The following RPS6KA5 variants were observed in gnomAD, a reference collection of about 807,000 sequenced individuals.
The protein encoded by RPS6KA5 is ribosomal protein S6 kinase alpha-5.
RPS6KA5 carries 27 observed loss-of-function variants against 85.5 expected under a neutral mutation model. The ratio of observed to expected loss-of-function variants is 0.32; its 90% confidence interval spans 0.23 to 0.44. The LOEUF (loss-of-function observed/expected upper bound fraction) is 0.44. Among genes scored for constraint, RPS6KA5 ranks in the 20% least tolerant of loss-of-function variants. The pLI, the probability that RPS6KA5 is intolerant of heterozygous loss-of-function variation, is 1.00. For missense variants in RPS6KA5, 811 were observed against 980.9 expected (o/e 0.83, Z 2.31); for synonymous variants, 334 against 348.2 (o/e 0.96, Z 0.46).
chr14:90,954,674 C>T (rs1447584664), intron 3 of RPS6KA5, among the ~76,000 whole-genome samples: 4 of 152,102 alleles, frequency 2.6e-5, no homozygotes, highest in African/African-American at 9.7e-5. Context: ...TCAGCCTCCC[C>T]AAGTGCTGGG....
At chr14:91,029,004 T>C (rs2042085972) in intron 1 of RPS6KA5, among the ~76,000 whole-genome samples, 1 of 152,210 alleles carries the variant, frequency 6.6e-6, no homozygotes, top group Non-Finnish European at 1.5e-5. Context: ...TTTTTATTTA[T>C]AGTAGTTATT....
intron 3 of RPS6KA5, among the ~76,000 whole-genome samples, chr14:90,954,996 C>T (rs1191282459): frequency 6.6e-6 from 1 of 152,124 alleles, no homozygotes; most frequent in Non-Finnish European, 1.5e-5. Context: ...CCTGGTCAGT[C>T]TACCCAAGGT....
chr14:90,888,617 T>C (rs961843199), intron 14 of RPS6KA5, among the ~76,000 whole-genome samples: 4 of 152,130 alleles, frequency 2.6e-5, no homozygotes, highest in African/African-American at 9.7e-5. Context: ...TGACTAGTCA[T>C]TGGGGGAAAA....
In RPS6KA5 at chr14:90,901,329, C is replaced by T. The variant is rs182236728; in HGVS notation, c.1120-593G>A. Among the ~76,000 whole-genome samples, 189 of 152,256 alleles carry T rather than the reference C, an allele frequency of 1.2e-3. 3 individuals are homozygous for T. The highest frequency in any genetic ancestry group is 6.8e-3 in the Middle Eastern group (2 of 294). On this transcript the variant is annotated intron_variant, in intron 9 of 16. Coordinates refer to ENST00000614987, the MANE Select transcript of RPS6KA5 (RefSeq NM_004755.4). The stretch of plus-strand genomic sequence containing the variant: ...CTGACCTCAAGTGATCAACCCACCT[C>T]GGCCTCCAAAAGTGCTGGGATTAAA...
chr14:90,848,028 A>T lies in RPS6KA5; in HGVS notation c.*24046T>A, dbSNP rs1566656842. On this transcript the variant is annotated 3_prime_UTR_variant, in exon 17 of 17. Transcript: ENST00000614987. The stretch of plus-strand genomic sequence containing the variant: ...AACATGAAAACATCACATTTCTACA[A>T]TACATCTGCTTTTTTGATTCATGTG... 6.6e-6 allele frequency: 1 copy of T among 152,200 alleles called. No individual in the cohort carries two copies. Among genetic ancestry groups the T allele is most frequent in the Non-Finnish European group, 1.5e-5 (1 of 68,046 alleles). 9.4% of individuals were successfully genotyped at this position (152,200 alleles called of 1,614,324 possible). A position where few individuals can be genotyped will look rare whatever the true frequency, so the allele number is the denominator to read the frequency against.
intron 2 of RPS6KA5, among the ~76,000 whole-genome samples, chr14:90,987,834 C>A (rs1279910014): frequency 6.6e-6 from 1 of 152,184 alleles, no homozygotes; most frequent in Non-Finnish European, 1.5e-5. Flanking sequence ...GCAAGGCCCT[C>A]TGAATTTCTA....
In RPS6KA5 at chr14:90,923,294, G is replaced by A. The variant is rs2036496486; in HGVS notation, c.619-98C>T. 4 of 908,974 alleles carry A rather than the reference G, an allele frequency of 4.4e-6. No homozygotes were observed. In the East Asian group the frequency reaches 7.5e-5, roughly 17 times the overall value. The allele number at this position is 908,974 out of a possible 1,614,324, so 56.3% of individuals were successfully genotyped here. A position where few individuals can be genotyped will look rare whatever the true frequency, so the allele number is the denominator to read the frequency against. On this transcript the variant is annotated intron_variant, in intron 5 of 16. Coordinates refer to ENST00000614987, the MANE Select transcript of RPS6KA5 (RefSeq NM_004755.4). ...ATGTTAGTGGTTGAGATACACTATA[G>A]TGGCAAAGTAGTGGTAGAATCTACT...
At chr14:90,962,968 C>T (rs989174066) in intron 3 of RPS6KA5, among the ~76,000 whole-genome samples, 1 of 152,260 alleles carries the variant, frequency 6.6e-6, no homozygotes, top group South Asian at 2.1e-4. Context: ...CCATTAACCA[C>T]GATAAAAATA....
chr14:90,943,253 G>T, intron 4 of RPS6KA5, 68 bp from the exon 5 acceptor site: 2 of 840,208 alleles, frequency 2.4e-6, no homozygotes, highest in South Asian at 1.7e-5. Context: ...AGTCTTTCTC[G>T]TCTACCTTTA....
chr14:91,002,306 T>G (rs1334977307), intron 1 of RPS6KA5, among the ~76,000 whole-genome samples: 1 of 152,072 alleles, frequency 6.6e-6, no homozygotes. Flanking sequence ...CAAAAGCAAA[T>G]ACAACAAAAT....
chr14:91,050,668 A>G (rs970824364), intron 1 of RPS6KA5, among the ~76,000 whole-genome samples: 2 of 152,092 alleles, frequency 1.3e-5, no homozygotes, highest in African/African-American at 4.8e-5. Context: ...ACCCCAGGTG[A>G]TACACCCGCC....
chr14:91,011,613 T>C (rs2041261362), intron 1 of RPS6KA5, among the ~76,000 whole-genome samples: 1 of 152,242 alleles, frequency 6.6e-6, no homozygotes, highest in Non-Finnish European at 1.5e-5. Context: ...TGCTGTATCA[T>C]GCTCTCAAGC....
Position 90,852,453 on chromosome 14 carries a change from T to C in RPS6KA5, c.*19621A>G, listed in dbSNP as rs2032051040. On this transcript the variant is annotated 3_prime_UTR_variant, in exon 17 of 17. Coordinates refer to ENST00000614987, the MANE Select transcript of RPS6KA5 (RefSeq NM_004755.4). ...TGTCTAAATACCTTAAAAAGAAGCA[T>C]ATATGTAAGTATTAGTCCAATCATG... The C allele has an allele frequency of 6.6e-6, 1 of 152,266 alleles. No individual in the cohort carries two copies. The highest frequency in any genetic ancestry group is 2.4e-5 in the African/African-American group (1 of 41,560). 9.4% of individuals were successfully genotyped at this position (152,266 alleles called of 1,614,324 possible).
At chr14:90,958,296 C>T (rs1005203307) in intron 3 of RPS6KA5, among the ~76,000 whole-genome samples, 6 of 152,166 alleles carry the variant, frequency 3.9e-5, no homozygotes, top group African/African-American at 1.4e-4. Flanking sequence ...CATAGTTCAA[C>T]TTAGGAGAAC....
intron 16 of RPS6KA5, among the ~76,000 whole-genome samples, chr14:90,872,615 A>C (rs2033195584): frequency 6.6e-6 from 1 of 152,168 alleles, no homozygotes; most frequent in Non-Finnish European, 1.5e-5. Flanking sequence ...GAAACAATTG[A>C]CTGGAAATTC....
At chr14:90,873,541 CAAA>C in intron 16 of RPS6KA5, 88 bp downstream of exon 16, 2 of 1,194,046 alleles carry the variant, frequency 1.7e-6, no homozygotes, top group Non-Finnish European at 1.2e-6. Flanking sequence ...AAATGTGAAA[CAAA>C]GAAAACGTAT....
chr14:90,893,993 C>CA lies in RPS6KA5; in HGVS notation c.1644+419dup, dbSNP rs1215840793. ...TAAGTATTTAGAATAGAATTATATA[C>CA]ATTTTTATTCATGAGCTAACCAATT... On this transcript the variant is annotated intron_variant, in intron 13 of 16. Coordinates refer to ENST00000614987, the MANE Select transcript of RPS6KA5 (RefSeq NM_004755.4). 5.9e-5 allele frequency: 51 copies of CA among 861,504 alleles called. No homozygotes were observed. In the African/African-American group the frequency reaches 8.3e-4, roughly 14 times the overall value. The allele number at this position is 861,504 out of a possible 1,614,324, so 53.4% of individuals were successfully genotyped here.
intron 3 of RPS6KA5, among the ~76,000 whole-genome samples, chr14:90,963,637 A>G (rs182266456): frequency 5.7e-4 from 87 of 152,326 alleles, no homozygotes; most frequent in South Asian, 1.0e-3. Flanking sequence ...TTATTTTAAT[A>G]TCACCACCAC....
intron 3 of RPS6KA5, among the ~76,000 whole-genome samples, chr14:90,952,969 T>C (rs909846753): frequency 6.6e-6 from 1 of 152,218 alleles, no homozygotes; most frequent in Non-Finnish European, 1.5e-5. Flanking sequence ...TAGTAAATTT[T>C]GGAATTATGT....
Sources: allele counts gnomAD v4.1 joint callset (sites outside exome capture counted in the v4.1 genomes callset), GRCh38; gene constraint gnomAD v4.1.1; transcripts MANE v1.5; gene names NCBI Gene and HGNC (gene_info 2026-07-23, HGNC 2026-07-21).